Variants in COL7A1 observed in about 807,000 individuals in gnomAD.
COL7A1 encodes the protein collagen type VII alpha 1 chain.
In COL7A1, 296 loss-of-function variants were observed where a neutral mutation model predicts 456.2. The ratio of observed to expected loss-of-function variants is 0.65; its 90% confidence interval spans 0.59 to 0.71. The LOEUF (loss-of-function observed/expected upper bound fraction) is 0.71. Among genes scored for constraint, COL7A1 ranks in the 30% least tolerant of loss-of-function variants. COL7A1 has a pLI of 0.00. For synonymous variants in COL7A1, 1,464 were observed against 1,525.9 expected (o/e 0.96, Z 0.95); for missense variants, 3,441 against 4,017.2 (o/e 0.86, Z 3.88).
At position 48,574,680 on chromosome 3, in the gene COL7A1, G is replaced by A. The variant is rs1439929360; in HGVS notation, c.6390C>T (p.Asp2130=). 3 of 1,613,822 alleles carry A rather than the reference G, an allele frequency of 1.9e-6. No homozygotes were observed. The highest frequency in any genetic ancestry group is 2.2e-5 in the East Asian group (1 of 44,890). Residue 2130 remains aspartate (D), a synonymous_variant, in exon 78 of 119, where the codon GAC becomes GAT. Coordinates refer to ENST00000681320, the MANE Select transcript of COL7A1 (RefSeq NM_000094.4). The surrounding 1 kb of genome is among the most constrained non-coding windows in gnomAD (Gnocchi z 5.0). ...GSNGDQGPKG[D]RGVPGIKGDR... ...GAAGGGTGGAGAGAGGCCTCACCCT[G>A]TCTCCTTTGGGACCTTGGTCACCAT... is the stretch of plus-strand genomic sequence containing the variant.
Position 48,564,398 on chromosome 3 carries a change from T to A in COL7A1, c.*8A>T, listed in dbSNP as rs754538531. 6 of 1,614,088 alleles carry A rather than the reference T, an allele frequency of 3.7e-6. No individual in the cohort carries two copies. Among genetic ancestry groups the A allele is most frequent in the Non-Finnish European group, 5.1e-6 (6 of 1,179,972 alleles). On this transcript the variant is annotated 3_prime_UTR_variant, in exon 119 of 119. Transcript: ENST00000681320. The surrounding 1 kb of genome is among the most constrained non-coding windows in gnomAD (Gnocchi z 6.0). ...GGGGATGCTGAATCTCAGCTCATTA[T>A]CTGGGCCTCAGTCCTGGGCAGTACC...
In COL7A1 at chr3:48,589,400, A is replaced by G. The variant is rs763230451; in HGVS notation, c.2241T>C (p.Thr747=). The G allele has an allele frequency of 1.2e-6, 2 of 1,613,540 alleles. No individual in the cohort carries two copies. The highest frequency in any genetic ancestry group is 1.7e-5 in the Admixed American group (1 of 59,996). The change falls in exon 18 of 119, where the codon ACT becomes ACC. Residue 747 remains threonine, a synonymous_variant. Transcript: ENST00000681320. ...GGGCCCTCACATGCACCGTATACTC[A>G]GTATCTGGCTCCAGTCCATCCAGCT... ...VAELDGLEPD[T]EYTVHVRAHV...
At position 48,588,514 on chromosome 3, in the gene COL7A1, T is replaced by A; in HGVS notation, c.2588-110A>T. 6.3e-7 allele frequency: 1 copy of A among 1,599,570 alleles called. No homozygotes were observed. Among genetic ancestry groups the A allele is most frequent in the South Asian group, 1.1e-5 (1 of 90,604 alleles). Reference sequence around the variant, plus strand: ...GCCCAGCCTCTCAGACCCCTCTCCCTCCTCTCAGACCCTGCCCCCAAAGGC... The same window carrying A: ...GCCCAGCCTCTCAGACCCCTCTCCCACCTCTCAGACCCTGCCCCCAAAGGC... On this transcript the variant is annotated intron_variant, in intron 20 of 118. Coordinates refer to ENST00000681320, the MANE Select transcript of COL7A1 (RefSeq NM_000094.4). The surrounding 1 kb of genome is among the most constrained non-coding windows in gnomAD (Gnocchi z 4.6).
Position 48,574,816 on chromosome 3 carries a change from G to C in COL7A1, c.6329C>G (p.Pro2110Arg). The change falls in exon 77 of 119, where the codon CCT (proline) becomes CGT (arginine). Residue 2110 changes from proline to arginine, a missense_variant. Physicochemically the swap from Pro to Arg is moderately radical, Grantham distance 103. Around this residue, in one of 3 missense-constraint regions of COL7A1, gnomAD observed 2,084 missense variants for 2,501.3 expected, o/e 0.83. Transcript: ENST00000681320. This position sits in a 1 kb window ranked among gnomAD's most constrained non-coding sequence, Gnocchi z 5.0. ...ACTGACCTTAGCACCCTTGAGTCCAGGGGGTCCCTGTTCTCCAGAGAGTCC... is the reference window on the plus strand; with the variant it reads ...ACTGACCTTAGCACCCTTGAGTCCACGGGGTCCCTGTTCTCCAGAGAGTCC... ...GPGLSGEQGP[P>R]GLKGAKGEPG... The C allele has an allele frequency of 6.2e-7, 1 of 1,613,966 alleles. No homozygotes were observed. Among genetic ancestry groups the C allele is most frequent in the African/African-American group, 1.3e-5 (1 of 75,030 alleles).
intron 16 of COL7A1, 64 bp from the exon 17 acceptor site, chr3:48,589,782 G>C: frequency 6.2e-7 from 1 of 1,611,210 alleles, no homozygotes; most frequent in Non-Finnish European, 8.5e-7. Context: ...CTATCTGATA[G>C]GGGAAGATGA....
chr3:48,572,550 G>C lies in COL7A1; in HGVS notation c.6901-12C>G. 1 of 1,613,636 alleles carries C rather than the reference G, an allele frequency of 6.2e-7. No individual in the cohort carries two copies. The highest frequency in any genetic ancestry group is 8.5e-7 in the Non-Finnish European group (1 of 1,179,764). On this transcript the variant is annotated splice_polypyrimidine_tract_variant and intron_variant, in intron 88 of 118. Coordinates refer to ENST00000681320, the MANE Select transcript of COL7A1 (RefSeq NM_000094.4). This position sits in a 1 kb window ranked among gnomAD's most constrained non-coding sequence, Gnocchi z 4.6. ...AGCCCGACCACAGCCTGTGGGGAATGCTAGTGAGTTTCCTCCTCCTCCCCC... is the reference window on the plus strand; with the variant it reads ...AGCCCGACCACAGCCTGTGGGGAATCCTAGTGAGTTTCCTCCTCCTCCCCC...
At chr3:48,577,545 A>G (rs2044399828) in intron 65 of COL7A1, among the ~76,000 whole-genome samples, 1 of 152,210 alleles carries the variant, frequency 6.6e-6, no homozygotes. Context: ...GTGACCATAT[A>G]AAGTCATGGG....
At position 48,578,661 on chromosome 3, in the gene COL7A1, G is replaced by A. The variant is rs2044497655; in HGVS notation, c.5425-146C>T. The A allele has an allele frequency of 1.9e-6, 2 of 1,032,060 alleles. No homozygotes were observed. Among genetic ancestry groups the A allele is most frequent in the African/African-American group, 3.2e-5 (2 of 62,148 alleles). The allele number at this position is 1,032,060 out of a possible 1,614,324, so 63.9% of individuals were successfully genotyped here. On this transcript the variant is annotated intron_variant, in intron 63 of 118. Transcript: ENST00000681320. The surrounding 1 kb of genome is among the most constrained non-coding windows in gnomAD (Gnocchi z 4.7). ...GTCCCATTGAGATCCCTCAGGCACAGACCCCATGGATGGGGGCCCCTGCTG... is the reference window on the plus strand; with the variant it reads ...GTCCCATTGAGATCCCTCAGGCACAAACCCCATGGATGGGGGCCCCTGCTG...
At position 48,575,677 on chromosome 3, in the gene COL7A1, C is replaced by T; in HGVS notation, c.5928G>A (p.Arg1976=). 1 of 1,613,676 alleles carries T rather than the reference C, an allele frequency of 6.2e-7. No homozygotes were observed. Among genetic ancestry groups the T allele is most frequent in the Non-Finnish European group, 8.5e-7 (1 of 1,180,030 alleles). Residue 1976 remains arginine, a synonymous_variant, in exon 73 of 119, where the codon CGG becomes CGA. Transcript: ENST00000681320. The surrounding 1 kb of genome is among the most constrained non-coding windows in gnomAD (Gnocchi z 6.3). ...SSGSFLPVPE[R]RRGPKGDSGE... is the part of the protein sequence containing the mutation. ...CTGAGTCCCCCTTGGGGCCTCGACG[C>T]CGTTCGGGCACAGGCAGGAAGCTAC...
chr3:48,584,707 G>A (rs779740181), intron 35 of COL7A1, 27 bp downstream of exon 35: 64 of 1,613,776 alleles, frequency 4.0e-5, no homozygotes, highest in Non-Finnish European at 5.1e-5. Flanking sequence ...GGGACATCCC[G>A]GCCGCCTCCC....
chr3:48,587,921 C>A lies in COL7A1; in HGVS notation c.2729G>T (p.Arg910Leu), dbSNP rs373718618. 3.1e-6 allele frequency: 5 copies of A among 1,598,550 alleles called. No homozygotes were observed. ...WQPEGGQEQS[R>L]VLGPELSSYH... ...GCTGCTGAGCTCGGGCCCCAGGACC[C>A]GGGACTGTTCCTGGCCACCTGGGGC... is the stretch of plus-strand genomic sequence containing the variant. The change falls in exon 22 of 119, where the codon CGG (arginine) becomes CTG (leucine). Residue 910 changes from arginine (R) to leucine (L), a missense_variant. By Grantham distance (102) the Arg-to-Leu change is moderately radical. Transcript: ENST00000681320. This position sits in a 1 kb window ranked among gnomAD's most constrained non-coding sequence, Gnocchi z 6.1.
Position 48,590,885 on chromosome 3 carries a change from T to C in COL7A1, c.1637-69A>G. On this transcript the variant is annotated intron_variant, in intron 13 of 118. Transcript: ENST00000681320. This position sits in a 1 kb window ranked among gnomAD's most constrained non-coding sequence, Gnocchi z 4.6. ...CAGGGATGTGGGACGATGGCAGTGA[T>C]GGACAGGGACGCAGAGTGAGAAGGG... 6.9e-7 allele frequency: 1 copy of C among 1,455,962 alleles called. No individual in the cohort carries two copies. The highest frequency in any genetic ancestry group is 9.3e-7 in the Non-Finnish European group (1 of 1,073,392). The allele number at this position is 1,455,962 out of a possible 1,614,324, so 90.2% of individuals were successfully genotyped here.
rs2043865220 is a variant in COL7A1 at position 48,570,788 on chromosome 3, C to T, written c.7272+73G>A. The stretch of plus-strand genomic sequence containing the variant: ...CCCTCTGCCCCCTCAAGACTGGGAA[C>T]CCCCAAGGCAGGGCCCCCTCCTCAC... On this transcript the variant is annotated intron_variant, in intron 95 of 118. Transcript: ENST00000681320. The surrounding 1 kb of genome is among the most constrained non-coding windows in gnomAD (Gnocchi z 5.5). 1.9e-6 allele frequency: 3 copies of T among 1,558,668 alleles called. No homozygotes were observed. Among genetic ancestry groups the T allele is most frequent in the East Asian group, 2.4e-5 (1 of 41,940 alleles).
At position 48,579,509 on chromosome 3, in the gene COL7A1, C is replaced by T. The variant is rs770229429; in HGVS notation, c.5242G>A (p.Glu1748Lys). The T allele has an allele frequency of 1.2e-6, 2 of 1,613,908 alleles. No homozygotes were observed. Among genetic ancestry groups the T allele is most frequent in the East Asian group, 4.5e-5 (2 of 44,874 alleles). ...LPGAPGERGI[E>K]GFRGPPGPQG... Reference sequence around the variant, plus strand: ...GGGCCTGGGGGTCCCCGAAACCCTTCAATGCCCTGAGGATAGGGGAGGAAG... The same window carrying T: ...GGGCCTGGGGGTCCCCGAAACCCTTTAATGCCCTGAGGATAGGGGAGGAAG... Residue 1748 changes from glutamate to lysine, a missense_variant, in exon 60 of 119, where the codon GAA becomes AAA. Physicochemically the swap from Glu to Lys is moderately conservative, Grantham distance 56. Coordinates refer to ENST00000681320, the MANE Select transcript of COL7A1 (RefSeq NM_000094.4). The surrounding 1 kb of genome is among the most constrained non-coding windows in gnomAD (Gnocchi z 4.4).
At position 48,584,531 on chromosome 3, in the gene COL7A1, C is replaced by T; in HGVS notation, c.4073G>A (p.Gly1358Asp). ...CCGCCCAGGAAGCCCAGGTCCTTCACCTCCGATGACTTGTCCGGGAGCCCC... is the reference window on the plus strand; with the variant it reads ...CCGCCCAGGAAGCCCAGGTCCTTCATCTCCGATGACTTGTCCGGGAGCCCC... Reference protein sequence around the residue: ...EPGAPGQVIGGEGPGLPGRKG... With the variant: ...EPGAPGQVIGDEGPGLPGRKG... The change falls in exon 36 of 119, where the codon GGT (glycine) becomes GAT (aspartate). Residue 1358 changes from glycine to aspartate, a missense_variant. This residue lies in a region of COL7A1 where 2,084 missense variants were observed against 2,501.3 expected (regional missense o/e 0.83). Coordinates refer to ENST00000681320, the MANE Select transcript of COL7A1 (RefSeq NM_000094.4). The T allele has an allele frequency of 6.2e-7, 1 of 1,614,152 alleles. No homozygotes were observed. The highest frequency in any genetic ancestry group is 1.3e-5 in the African/African-American group (1 of 75,042).
In COL7A1 at chr3:48,582,029, T is replaced by C. The variant is rs1449638137; in HGVS notation, c.4636-86A>G. ...TCATTGGAATGGAGGTCACATGGAA[T>C]TGGAAGTCATACAGCTCAGTCCCCG... On this transcript the variant is annotated intron_variant, in intron 47 of 118. Coordinates refer to ENST00000681320, the MANE Select transcript of COL7A1 (RefSeq NM_000094.4). The C allele has an allele frequency of 1.0e-5, 16 of 1,579,706 alleles. No individual in the cohort carries two copies. In the East Asian group the frequency reaches 3.1e-4, roughly 31 times the overall value.
In COL7A1 at chr3:48,590,905, G is replaced by T; in HGVS notation, c.1637-89C>A. ...AGTGATGGACAGGGACGCAGAGTGA[G>T]AAGGGCCATGGGGGTGGGGATGTGG... is the stretch of plus-strand genomic sequence containing the variant. On this transcript the variant is annotated intron_variant, in intron 13 of 118. Transcript: ENST00000681320. This position sits in a 1 kb window ranked among gnomAD's most constrained non-coding sequence, Gnocchi z 4.6. 1.8e-6 allele frequency: 2 copies of T among 1,095,108 alleles called. No individual in the cohort carries two copies. The highest frequency in any genetic ancestry group is 2.6e-6 in the Non-Finnish European group (2 of 758,936). 67.8% of individuals were successfully genotyped at this position (1,095,108 alleles called of 1,614,324 possible).
chr3:48,575,379 C>G lies in COL7A1; in HGVS notation c.6140G>C (p.Arg2047Thr). The change falls in exon 74 of 119, where the codon AGG becomes ACG. Residue 2047 changes from arginine to threonine, a missense_variant. Arg to Thr is a moderately conservative substitution (Grantham distance 71). Transcript: ENST00000681320. The surrounding 1 kb of genome is among the most constrained non-coding windows in gnomAD (Gnocchi z 6.3). ...TCCTGCCTCTCCCACACCCCCAGCC[C>G]TGCCTGGGAGCCCGGGAATACCAGG... is the stretch of plus-strand genomic sequence containing the variant. Reference protein sequence around the residue: ...GKPGIPGLPGRAGGVGEAGRP... With the variant: ...GKPGIPGLPGTAGGVGEAGRP... 1 of 1,611,910 alleles carries G rather than the reference C, an allele frequency of 6.2e-7. No homozygotes were observed. The highest frequency in any genetic ancestry group is 8.5e-7 in the Non-Finnish European group (1 of 1,179,232).
At position 48,588,847 on chromosome 3, in the gene COL7A1, G is replaced by T; in HGVS notation, c.2440+23C>A. On this transcript the variant is annotated intron_variant, in intron 19 of 118. Coordinates refer to ENST00000681320, the MANE Select transcript of COL7A1 (RefSeq NM_000094.4). The surrounding 1 kb of genome is among the most constrained non-coding windows in gnomAD (Gnocchi z 4.6). ...TGAGCAGTCCCAGCCAGGAAGGACA[G>T]GGGTGGCGTCAGGGAGCCATACCTT... 6.8e-6 allele frequency: 11 copies of T among 1,613,498 alleles called. No homozygotes were observed. Among genetic ancestry groups the T allele is most frequent in the Non-Finnish European group, 9.3e-6 (11 of 1,180,032 alleles).
Sources: allele counts gnomAD v4.1 joint callset (sites outside exome capture counted in the v4.1 genomes callset), GRCh38; gene constraint gnomAD v4.1.1; regional missense constraint gnomAD v4.1.1; non-coding constraint Gnocchi (gnomAD v3.1); transcripts MANE v1.5; gene names NCBI Gene and HGNC (gene_info 2026-07-23, HGNC 2026-07-21).